The following BANK1 variants were observed in gnomAD, a reference collection of about 807,000 sequenced individuals.
The protein encoded by BANK1 is B cell scaffold protein with ankyrin repeats 1.
Under a neutral mutation model 94.5 loss-of-function variants are expected in BANK1, and 95 were observed. The observed-to-expected ratio is 1.00, with a 90% CI of 0.85 to 1.19. BANK1 has a LOEUF of 1.19. Ranked by LOEUF, BANK1 falls within the 50% of genes most tolerant of loss-of-function variation. The probability of loss-of-function intolerance (pLI) is 0.00; values close to 1 mark genes in which losing one functional copy is unlikely to be tolerated. For synonymous variants in BANK1, 334 were observed against 308.4 expected, an observed-to-expected ratio of 1.08 and a Z score of -0.87; for missense variants, 987 against 932.2, an observed-to-expected ratio of 1.06 and a Z score of -0.77.
intron 9 of BANK1, among the ~76,000 whole-genome samples, chr4:102,029,396 G>GA (rs201776101): frequency 0.035 from 5,146 of 146,518 alleles, 296 homozygotes; most frequent in African/African-American, 0.12. Flanking sequence ...AACTTCAAAT[G>GA]AAAAAAAAAA....
intron 7 of BANK1, among the ~76,000 whole-genome samples, chr4:101,949,614 G>A (rs1724061860): frequency 6.6e-6 from 1 of 152,050 alleles, no homozygotes; most frequent in African/African-American, 2.4e-5. Flanking sequence ...GTAAATATAT[G>A]TTAAACTCTG....
chr4:101,802,037 G>A (rs1429495897), intron 1 of BANK1, among the ~76,000 whole-genome samples: 1 of 152,256 alleles, frequency 6.6e-6, no homozygotes. Flanking sequence ...GGGTGGTCTT[G>A]GAAAATGCAA....
At chr4:101,952,738 T>G (rs1031973328) in intron 7 of BANK1, among the ~76,000 whole-genome samples, 3 of 152,116 alleles carry the variant, frequency 2.0e-5, no homozygotes, top group Non-Finnish European at 2.9e-5. Context: ...CTGGGCATAT[T>G]AGCAAAAGAG....
At chr4:101,998,795 T>C (rs1052531007) in intron 7 of BANK1, among the ~76,000 whole-genome samples, 1 of 152,176 alleles carries the variant, frequency 6.6e-6, no homozygotes, top group African/African-American at 2.4e-5. Flanking sequence ...AGCTGTTCTT[T>C]TTGCTATTTG....
chr4:101,928,408 A>C (rs565619554), intron 7 of BANK1, among the ~76,000 whole-genome samples: 12 of 151,732 alleles, frequency 7.9e-5, no homozygotes, highest in African/African-American at 2.9e-4. Context: ...GTGAACTGTC[A>C]GGGAAAAAAA....
At chr4:101,853,261 C>A (rs904086828) in intron 2 of BANK1, among the ~76,000 whole-genome samples, 2 of 152,130 alleles carry the variant, frequency 1.3e-5, no homozygotes, top group Non-Finnish European at 2.9e-5. Context: ...TCAGAAACAG[C>A]GTGGAGACAG....
At chr4:101,985,173 G>A (rs939945781) in intron 7 of BANK1, among the ~76,000 whole-genome samples, 3 of 152,070 alleles carry the variant, frequency 2.0e-5, no homozygotes, top group Admixed American at 6.6e-5. Flanking sequence ...GTTCCAATTC[G>A]AGTCCAAGTT....
chr4:101,953,674 T>C (rs1724247151), intron 7 of BANK1, among the ~76,000 whole-genome samples: 1 of 152,144 alleles, frequency 6.6e-6, no homozygotes, highest in Non-Finnish European at 1.5e-5. Context: ...TTCATATGAA[T>C]TTGTAAGTTG....
At chr4:101,793,058 C>T (rs1484372303) in intron 1 of BANK1, among the ~76,000 whole-genome samples, 1 of 152,072 alleles carries the variant, frequency 6.6e-6, no homozygotes, top group African/African-American at 2.4e-5. Context: ...AGATTTTTCT[C>T]CACACCATAG....
intron 7 of BANK1, among the ~76,000 whole-genome samples, chr4:102,001,561 C>T (rs1050515676): frequency 6.6e-6 from 1 of 152,294 alleles, no homozygotes; most frequent in South Asian, 2.1e-4. Flanking sequence ...GATTGTGCCA[C>T]TGCACTCCAG....
intron 7 of BANK1, among the ~76,000 whole-genome samples, chr4:101,936,336 T>C (rs1723547482): frequency 7.1e-6 from 1 of 141,106 alleles, no homozygotes; most frequent in Admixed American, 8.0e-5. Context: ...CATACATATA[T>C]ATGTACATAT....
chr4:102,049,220 T>C (rs1457853734), intron 11 of BANK1, among the ~76,000 whole-genome samples: 1 of 152,194 alleles, frequency 6.6e-6, no homozygotes, highest in Non-Finnish European at 1.5e-5. Flanking sequence ...AAAGTTTCTA[T>C]AAAATATACT....
chr4:102,051,895 G>GACTT (rs1728060041), intron 11 of BANK1, among the ~76,000 whole-genome samples: 1 of 152,058 alleles, frequency 6.6e-6, no homozygotes, highest in Non-Finnish European at 1.5e-5. Context: ...TTTATGCATG[G>GACTT]ACTTAGATAC....
chr4:102,049,441 G>GAC, intron 11 of BANK1, among the ~76,000 whole-genome samples: 1 of 152,250 alleles, frequency 6.6e-6, no homozygotes, highest in African/African-American at 2.4e-5. Flanking sequence ...CCGTGGATAT[G>GAC]ACACGTGGCA....
At chr4:102,018,611 C>G (rs1726790833) in intron 7 of BANK1, among the ~76,000 whole-genome samples, 1 of 152,140 alleles carries the variant, frequency 6.6e-6, no homozygotes, top group South Asian at 2.1e-4. Context: ...TTACATTAAA[C>G]ATTCTGTGCT....
chr4:101,978,359 T>A lies in BANK1; in HGVS notation c.1207-43155T>A, dbSNP rs1269673132. Among the ~76,000 whole-genome samples, 6 of 152,086 alleles carry A rather than the reference T, an allele frequency of 3.9e-5. 1 individual carries two copies. Among genetic ancestry groups the A allele is most frequent in the African/African-American group, 1.4e-4 (6 of 41,438 alleles). On this transcript the variant is annotated intron_variant, in intron 7 of 16. Transcript: ENST00000322953. ...ACTAATAAACAGAGAGACTAAATTC[T>A]TGTCTCTGTAATATTAAATTCTGTA... is the stretch of plus-strand genomic sequence containing the variant.
chr4:102,003,847 C>T (rs1446016779), intron 7 of BANK1, among the ~76,000 whole-genome samples: 1 of 149,974 alleles, frequency 6.7e-6, no homozygotes, highest in African/African-American at 2.5e-5. Context: ...ATATATATGC[C>T]TATTTCATAT....
chr4:102,028,868 G>A (rs548077351), intron 9 of BANK1, among the ~76,000 whole-genome samples: 1 of 151,756 alleles, frequency 6.6e-6, no homozygotes, highest in Admixed American at 6.6e-5. Context: ...TTTATGTCAT[G>A]AACTCTACTT....
At chr4:101,956,928 T>C (rs966292126) in intron 7 of BANK1, among the ~76,000 whole-genome samples, 2 of 152,196 alleles carry the variant, frequency 1.3e-5, no homozygotes, top group Non-Finnish European at 2.9e-5. Context: ...ATAGGGTCCT[T>C]GCCAGAACCC....
Sources: gnomAD v4.1 joint callset for allele counts (sites outside exome capture counted in the v4.1 genomes callset) on GRCh38, gnomAD v4.1.1 for gene constraint, MANE v1.5 for transcripts, NCBI Gene and HGNC (gene_info 2026-07-23, HGNC 2026-07-21) for gene names.